NUP133: variants seen among roughly 807,000 people sequenced by gnomAD.
The protein encoded by NUP133 is nucleoporin 133, also known as nuclear pore complex protein Nup133.
NUP133 carries 66 observed loss-of-function variants against 146.2 expected under a neutral mutation model. The observed-to-expected ratio is 0.45, with a 90% CI of 0.37 to 0.55. The LOEUF (loss-of-function observed/expected upper bound fraction) is 0.55, where lower values mean the gene tolerates loss of function less well. Ranked by LOEUF, NUP133 falls within the 20% of genes least tolerant of loss-of-function variation. The pLI, the probability that NUP133 is intolerant of heterozygous loss-of-function variation, is 0.00. For missense variants in NUP133, 1,277 were observed against 1,374.8 expected, an observed-to-expected ratio of 0.93 and a Z score of 1.12; for synonymous variants, 521 against 498.8, an observed-to-expected ratio of 1.04 and a Z score of -0.59.
At chr1:229,487,663 T>C in intron 9 of NUP133, 50 bp from the exon 10 acceptor site, 1 of 1,298,332 alleles carries the variant, frequency 7.7e-7, no homozygotes, top group Non-Finnish European at 1.1e-6. Flanking sequence ...AACAAAAATA[T>C]TTGTATGATT....
chr1:229,475,842 G>T, intron 13 of NUP133, 110 bp from the exon 14 acceptor site: 1 of 823,808 alleles, frequency 1.2e-6, no homozygotes, highest in Non-Finnish European at 2.0e-6. Flanking sequence ...AGGCACGGTG[G>T]CTCACACCTG....
At chr1:229,454,450 G>A (rs1272384486) in intron 21 of NUP133, among the ~76,000 whole-genome samples, 1 of 152,142 alleles carries the variant, frequency 6.6e-6, no homozygotes, top group Non-Finnish European at 1.5e-5. Flanking sequence ...CAGACTGGGA[G>A]GAAACCCACA....
rs188811788 is a variant in NUP133 at position 229,460,442 on chromosome 1, A to G, written c.2844+169T>C. On this transcript the variant is annotated intron_variant, in intron 20 of 25. Coordinates refer to ENST00000261396, the MANE Select transcript of NUP133 (RefSeq NM_018230.3). The stretch of plus-strand genomic sequence containing the variant: ...TCCACCTGCCTCAGCCTCCCAAAGT[A>G]CTGGGATTACAGGTATAAGCCACCA... Among the ~76,000 whole-genome samples the G allele has an allele frequency of 2.9e-4, 44 of 152,198 alleles. No homozygotes were observed. In the East Asian group the frequency reaches 8.3e-3, roughly 29 times the overall value.
At chr1:229,452,864 T>C (rs1660485849) in intron 21 of NUP133, among the ~76,000 whole-genome samples, 1 of 152,162 alleles carries the variant, frequency 6.6e-6, no homozygotes, top group Non-Finnish European at 1.5e-5. Context: ...CTAAGAATTA[T>C]CACAGCAACG....
Position 229,498,325 on chromosome 1 carries a change from A to T in NUP133, c.649-19T>A. On this transcript the variant is annotated intron_variant, in intron 5 of 25. Transcript: ENST00000261396. ...TTCCTCCCTGTGAAAAAACATTATG[A>T]GGTTAGTTCAGTTTAGCATCGAATG... 1 of 1,545,438 alleles carries T rather than the reference A, an allele frequency of 6.5e-7. No homozygotes were observed. Among genetic ancestry groups the T allele is most frequent in the Non-Finnish European group, 8.7e-7 (1 of 1,150,220 alleles).
chr1:229,478,606 A>T (rs1236909790), intron 12 of NUP133, among the ~76,000 whole-genome samples: 2 of 152,164 alleles, frequency 1.3e-5, no homozygotes, highest in Non-Finnish European at 2.9e-5. Context: ...CAATTAAAGG[A>T]AGGGTAAGCC....
At chr1:229,485,932 G>A (rs936527516) in intron 11 of NUP133, among the ~76,000 whole-genome samples, 1 of 152,198 alleles carries the variant, frequency 6.6e-6, no homozygotes, top group Non-Finnish European at 1.5e-5. Context: ...GGGAGGCCGA[G>A]GCGGGAGGAT....
At chr1:229,477,394 C>A (rs1281251843) in intron 13 of NUP133, among the ~76,000 whole-genome samples, 6 of 148,118 alleles carry the variant, frequency 4.1e-5, no homozygotes, top group Non-Finnish European at 7.4e-5. Flanking sequence ...GAGCCAAGAT[C>A]GCGCCACTGC....
intron 14 of NUP133, among the ~76,000 whole-genome samples, chr1:229,474,846 T>G (rs1661038215): frequency 6.6e-6 from 1 of 152,126 alleles, no homozygotes; most frequent in Admixed American, 6.5e-5. Flanking sequence ...CTCATGCCTG[T>G]AACCTCAGCA....
intron 9 of NUP133, among the ~76,000 whole-genome samples, chr1:229,488,990 A>G (rs569993361): frequency 1.3e-5 from 2 of 152,330 alleles, no homozygotes; most frequent in East Asian, 3.9e-4. Context: ...TAAAATTGGA[A>G]AGCCTGTCTT....
chr1:229,467,347 C>T (rs937194645), intron 15 of NUP133, among the ~76,000 whole-genome samples: 1 of 152,140 alleles, frequency 6.6e-6, no homozygotes, highest in Non-Finnish European at 1.5e-5. Flanking sequence ...TAAGCTTTCC[C>T]CCCATTATTT....
At chr1:229,458,344 A>AGCTGAAACAAAGGTAAGTAAAC in intron 20 of NUP133, 48 bp from the exon 21 acceptor site, 1 of 1,575,782 alleles carries the variant, frequency 6.3e-7, no homozygotes, top group Non-Finnish European at 8.6e-7. Context: ...TACCAATTCA[A>AGCTGAAACAAAGGTAAGTAAAC]GCTGAAACAA....
intron 14 of NUP133, among the ~76,000 whole-genome samples, chr1:229,471,519 C>CAT (rs1358135139): frequency 6.6e-6 from 1 of 152,174 alleles, no homozygotes; most frequent in Non-Finnish European, 1.5e-5. Context: ...GATTTCCATA[C>CAT]CCCTAATGCT....
intron 1 of NUP133, 67 bp from the exon 2 acceptor site, chr1:229,506,225 T>C (rs1661933110): frequency 2.3e-6 from 2 of 878,152 alleles, no homozygotes; most frequent in Admixed American, 2.2e-5. Flanking sequence ...ATTTTTTATG[T>C]ATATATTTTC....
intron 21 of NUP133, 112 bp downstream of exon 21, chr1:229,458,049 G>T: frequency 1.8e-6 from 2 of 1,098,120 alleles, no homozygotes; most frequent in East Asian, 2.5e-5. Context: ...ATTCCTCTTA[G>T]AGACAGGTCC....
intron 21 of NUP133, among the ~76,000 whole-genome samples, chr1:229,453,869 G>A (rs565415103): frequency 6.6e-6 from 1 of 152,214 alleles, no homozygotes; most frequent in Admixed American, 6.5e-5. Flanking sequence ...GGTAGTAAAT[G>A]ATAAAATAGA....
chr1:229,486,571 A>G, intron 10 of NUP133, 43 bp from the exon 11 acceptor site: 1 of 1,554,526 alleles, frequency 6.4e-7, no homozygotes, highest in Non-Finnish European at 8.7e-7. Flanking sequence ...TAACAATAAC[A>G]ACAAAATGCT....
rs1201932308 is a variant in NUP133 at position 229,495,399 on chromosome 1, G to A, written c.1046+96C>T. ...GAGTGAGACCCTGTCTCCAAAGAAAGAGCACATAGTGAGATTGCTCATCAT... is the reference window on the plus strand; with the variant it reads ...GAGTGAGACCCTGTCTCCAAAGAAAAAGCACATAGTGAGATTGCTCATCAT... On this transcript the variant is annotated intron_variant, in intron 8 of 25. Coordinates refer to ENST00000261396, the MANE Select transcript of NUP133 (RefSeq NM_018230.3). The A allele has an allele frequency of 2.9e-5, 24 of 817,480 alleles. No homozygotes were observed. The East Asian group carries it at 5.9e-4, about 20-fold the overall frequency. 50.6% of individuals were successfully genotyped at this position (817,480 alleles called of 1,614,324 possible).
Position 229,506,127 on chromosome 1 carries a change from A to G in NUP133, c.214T>C (p.Ser72Pro). The change falls in exon 2 of 26, where the codon TCC becomes CCC. Residue 72 changes from serine (S) to proline (P), a missense_variant. Ser to Pro is a moderately conservative substitution (Grantham distance 74). Transcript: ENST00000261396. ...GTPTRMFPHH[S>P]ITESVNYDVK... The stretch of plus-strand genomic sequence containing the variant: ...TCATAGTTCACAGACTCAGTTATGG[A>G]GTGGTGTGGGAACATTCGTGTTGGT... 1 of 1,612,710 alleles carries G rather than the reference A, an allele frequency of 6.2e-7. No individual in the cohort carries two copies. The highest frequency in any genetic ancestry group is 1.1e-5 in the South Asian group (1 of 91,042).
Sources: gnomAD v4.1 joint callset for allele counts (sites outside exome capture counted in the v4.1 genomes callset) on GRCh38, gnomAD v4.1.1 for gene constraint, MANE v1.5 for transcripts, NCBI Gene and HGNC (gene_info 2026-07-23, HGNC 2026-07-21) for gene names.